Variants in AUTS2 observed in about 807,000 individuals in gnomAD.
AUTS2 encodes the protein activator of transcription and developmental regulator AUTS2.
A neutral mutation model predicts 112.4 loss-of-function variants in AUTS2; 17 were observed. The ratio of observed to expected loss-of-function variants is 0.15; its 90% CI spans 0.10 to 0.23. The LOEUF is 0.23. Among genes scored for constraint, AUTS2 ranks in the 10% least tolerant of loss-of-function variants. The probability of loss-of-function intolerance (pLI) is 1.00; values close to 1 mark genes in which losing one functional copy is unlikely to be tolerated. For missense variants in AUTS2, 1,510 were observed against 1,701.6 expected, an observed-to-expected ratio of 0.89 and a Z score of 1.98; for synonymous variants, 751 against 702.7, an observed-to-expected ratio of 1.07 and a Z score of -1.09.
intron 1 of AUTS2, among the ~76,000 whole-genome samples, chr7:69,822,289 A>G (rs569060146): frequency 2.0e-5 from 3 of 152,328 alleles, no homozygotes; most frequent in African/African-American, 7.2e-5. Context: ...TTTTTATAGA[A>G]GGTCCAAAGG....
chr7:69,678,585 G>A (rs550223594), intron 1 of AUTS2, among the ~76,000 whole-genome samples: 2 of 152,324 alleles, frequency 1.3e-5, no homozygotes, highest in East Asian at 3.9e-4. Flanking sequence ...TTTGCCTAGA[G>A]TTGGCCTGGA....
Position 69,983,304 on chromosome 7 carries a change from C to G in AUTS2, c.522+83806C>G, listed in dbSNP as rs370952494. Among the ~76,000 whole-genome samples, 7 of 150,184 alleles carry G rather than the reference C, an allele frequency of 4.7e-5. No individual in the cohort carries two copies. In the East Asian group the frequency reaches 1.4e-3, roughly 29 times the overall value. On this transcript the variant is annotated intron_variant, in intron 2 of 18. Transcript: ENST00000342771. Reference sequence around the variant, plus strand: ...CTCTGTGGGGTTTTATTATAATTTGCTAAATTATTCCCTTGTTTGGGGGCA... The same window carrying G: ...CTCTGTGGGGTTTTATTATAATTTGGTAAATTATTCCCTTGTTTGGGGGCA...
intron 1 of AUTS2, among the ~76,000 whole-genome samples, chr7:69,691,451 G>T (rs1025192185): frequency 1.3e-5 from 2 of 152,132 alleles, no homozygotes; most frequent in African/African-American, 4.8e-5. Context: ...TCCTGCACCT[G>T]TTTGCAGCCA....
At chr7:69,788,441 G>A (rs765123201) in intron 1 of AUTS2, among the ~76,000 whole-genome samples, 2 of 152,172 alleles carry the variant, frequency 1.3e-5, no homozygotes. Context: ...GCAGCATGGT[G>A]TCAGAGATTA....
rs538044332 is a variant in AUTS2, at chr7:70,713,450, G to A, written c.742+14830G>A. Among the ~76,000 whole-genome samples, 42 of 152,298 alleles carry A rather than the reference G, an allele frequency of 2.8e-4. 3 individuals are homozygous for A. The South Asian group carries it at 6.2e-3, about 23-fold the overall frequency. On this transcript the variant is annotated intron_variant, in intron 6 of 18. Transcript: ENST00000342771. The stretch of plus-strand genomic sequence containing the variant: ...TGTAAATTGAGTTTTCCCAAAAAAT[G>A]TAAAACTCTTAAGAAGTTTAAGTAA...
intron 5 of AUTS2, among the ~76,000 whole-genome samples, chr7:70,543,188 G>A (rs1474607643): frequency 1.3e-5 from 2 of 152,150 alleles, no homozygotes; most frequent in Admixed American, 6.5e-5. Flanking sequence ...TAAGGGAGGA[G>A]TATTATAAAG....
At chr7:70,258,402 A>C (rs959970725) in intron 4 of AUTS2, among the ~76,000 whole-genome samples, 1 of 152,210 alleles carries the variant, frequency 6.6e-6, no homozygotes, top group African/African-American at 2.4e-5. Flanking sequence ...TTCTGTGAAC[A>C]GTGTTGGTTC....
At chr7:70,234,820 G>A (rs951136393) in intron 4 of AUTS2, among the ~76,000 whole-genome samples, 17 of 152,046 alleles carry the variant, frequency 1.1e-4, no homozygotes, top group Non-Finnish European at 2.1e-4. Context: ...CTTCACACCT[G>A]GAATATTGAT....
At chr7:69,605,600 T>C (rs1792675847) in intron 1 of AUTS2, among the ~76,000 whole-genome samples, 3 of 152,216 alleles carry the variant, frequency 2.0e-5, no homozygotes, top group Admixed American at 1.3e-4. Context: ...AGGTTGACAT[T>C]GATGTTAAAA....
intron 4 of AUTS2, among the ~76,000 whole-genome samples, chr7:70,427,333 T>C (rs1795478182): frequency 6.6e-6 from 1 of 152,232 alleles, no homozygotes; most frequent in Non-Finnish European, 1.5e-5. Flanking sequence ...ATACTTATTT[T>C]TCTGAGTTTG....
chr7:70,062,756 C>G (rs1373849229), intron 2 of AUTS2, among the ~76,000 whole-genome samples: 1 of 152,192 alleles, frequency 6.6e-6, no homozygotes, highest in Non-Finnish European at 1.5e-5. Flanking sequence ...TCACCTTACT[C>G]TGTTAGCAAA....
chr7:70,007,143 C>T (rs940984475), intron 2 of AUTS2, among the ~76,000 whole-genome samples: 2 of 152,072 alleles, frequency 1.3e-5, no homozygotes, highest in African/African-American at 4.8e-5. Context: ...CAGAAAATGC[C>T]GTATGCATAG....
chr7:69,600,053 GCTGTCTGTCTGTCTGTCTGT>G (rs113411804), intron 1 of AUTS2, 91 bp downstream of exon 1: 10 of 1,259,500 alleles, frequency 7.9e-6, no homozygotes, highest in South Asian at 1.3e-5. Context: ...CGCGCTCCGG[GCTGTCTGTCTGTCTGTCTGT>G]CTGTCTGTCT....
intron 5 of AUTS2, among the ~76,000 whole-genome samples, chr7:70,655,398 G>A (rs531144130): frequency 6.6e-6 from 1 of 152,250 alleles, no homozygotes; most frequent in African/African-American, 2.4e-5. Flanking sequence ...TAGAGGCTCA[G>A]TGTTGTCACA....
At chr7:70,600,028 G>C (rs768370615) in intron 5 of AUTS2, among the ~76,000 whole-genome samples, 4 of 152,162 alleles carry the variant, frequency 2.6e-5, no homozygotes, top group Non-Finnish European at 4.4e-5. Context: ...GCACATTCCT[G>C]AGCCCCACCC....
chr7:69,772,773 T>C (rs920477165), intron 1 of AUTS2, among the ~76,000 whole-genome samples: 53 of 152,210 alleles, frequency 3.5e-4, no homozygotes, highest in Admixed American at 9.8e-4. Flanking sequence ...TTTGAAAGTA[T>C]AGACTTGTAT....
intron 1 of AUTS2, among the ~76,000 whole-genome samples, chr7:69,648,446 A>G (rs1375759019): frequency 6.7e-6 from 1 of 148,710 alleles, no homozygotes; most frequent in Non-Finnish European, 1.5e-5. Flanking sequence ...ATTAGAATTC[A>G]GTAACTTTAA....
At chr7:70,579,040 C>A (rs1802305709) in intron 5 of AUTS2, among the ~76,000 whole-genome samples, 1 of 150,478 alleles carries the variant, frequency 6.6e-6, no homozygotes, top group Admixed American at 6.6e-5. Flanking sequence ...GTGATCCTCC[C>A]ACCTCAGCCT....
At position 69,693,759 on chromosome 7, in the gene AUTS2, C is replaced by T. The variant is rs180958417; in HGVS notation, c.309+93797C>T. ...TGCTCAAAGTTGTGTAGCTAGTTAG[C>T]GATAAAGCTGGAATTGCACCAGATT... On this transcript the variant is annotated intron_variant, in intron 1 of 18. Transcript: ENST00000342771. 1.6e-4 allele frequency among the ~76,000 whole-genome samples: 25 copies of T among 152,286 alleles called. No homozygotes were observed. In the East Asian group the frequency reaches 4.2e-3, roughly 26 times the overall value.
Sources: allele counts gnomAD v4.1 joint callset (sites outside exome capture counted in the v4.1 genomes callset), GRCh38; gene constraint gnomAD v4.1.1; transcripts MANE v1.5; gene names NCBI Gene and HGNC (gene_info 2026-07-23, HGNC 2026-07-21).